ACACA: variants seen among roughly 807,000 people sequenced by gnomAD.
The protein encoded by ACACA is acetyl-CoA carboxylase alpha.
In ACACA, 103 loss-of-function variants were observed where a neutral mutation model predicts 296.1. That is an observed-to-expected ratio of 0.35 (90% CI 0.30 to 0.41). The LOEUF (loss-of-function observed/expected upper bound fraction) is 0.41. ACACA is among the 10% of genes least tolerant of loss of function. The pLI, the probability that ACACA is intolerant of heterozygous loss-of-function variation, is 1.00. For synonymous variants in ACACA, 953 were observed against 1,038.6 expected (o/e 0.92, Z 1.58); for missense variants, 1,554 against 2,989.7 (o/e 0.52, Z 11.20).
At chr17:37,111,762 C>T (rs2073983216) in intron 51 of ACACA, 119 bp from the exon 52 acceptor site, 1 of 786,190 alleles carries the variant, frequency 1.3e-6, no homozygotes, top group Admixed American at 2.0e-5. Context: ...TCATTTTGCC[C>T]ACCTATGGTT....
intron 1 of ACACA, among the ~76,000 whole-genome samples, chr17:37,370,258 A>G (rs2049755084): frequency 6.6e-6 from 1 of 151,840 alleles, no homozygotes; most frequent in Non-Finnish European, 1.5e-5. Context: ...CACCTGCCTC[A>G]GCTTCCCAAA....
chr17:37,150,936 C>T (rs1300535804), intron 44 of ACACA, among the ~76,000 whole-genome samples: 1 of 151,838 alleles, frequency 6.6e-6, no homozygotes, highest in East Asian at 1.9e-4. Flanking sequence ...CCTGTAGTCC[C>T]AGCTACTCAG....
chr17:37,191,632 T>C (rs1198138486), intron 37 of ACACA, among the ~76,000 whole-genome samples: 1 of 152,182 alleles, frequency 6.6e-6, no homozygotes, highest in Non-Finnish European at 1.5e-5. Flanking sequence ...TGGGATATAA[T>C]AATAATGAAC....
intron 1 of ACACA, among the ~76,000 whole-genome samples, chr17:37,378,647 A>G (rs1195262513): frequency 1.3e-5 from 2 of 152,322 alleles, no homozygotes; most frequent in Non-Finnish European, 2.9e-5. Context: ...AGAGAGGCGG[A>G]GGTTGCAGTG....
At chr17:37,338,150 A>G (rs1454793442) in intron 2 of ACACA, among the ~76,000 whole-genome samples, 1 of 146,444 alleles carries the variant, frequency 6.8e-6, no homozygotes, top group Non-Finnish European at 1.5e-5. Flanking sequence ...AACTAGAATC[A>G]AATATAAAAG....
chr17:37,357,262 G>A (rs1179485861), intron 1 of ACACA, among the ~76,000 whole-genome samples: 73 of 152,276 alleles, frequency 4.8e-4, no homozygotes, highest in Non-Finnish European at 7.3e-5. Flanking sequence ...GGAGGCCGAG[G>A]AGGGTGGATC....
rs8073540 is a variant in ACACA at position 37,086,150 on chromosome 17, A to G, written c.*1166T>C. ...TCTGTGTTTCCTGGAAGCCTCCCTC[A>G]TCAGGAAGGCCAGCTCCTGGTGCTG... On this transcript the variant is annotated 3_prime_UTR_variant, in exon 56 of 56. Coordinates refer to ENST00000616317, the MANE Select transcript of ACACA (RefSeq NM_198834.3). 0.056 allele frequency: 10,919 copies of G among 196,602 alleles called. 656 individuals are homozygous for G. The highest frequency in any genetic ancestry group is 0.16 in the African/African-American group (7,102 of 43,382). The allele number at this position is 196,602 out of a possible 1,614,324, so 12.2% of individuals were successfully genotyped here. A position where few individuals can be genotyped will look rare whatever the true frequency, so the allele number is the denominator to read the frequency against.
At chr17:37,095,549 C>T (rs1027393413) in intron 54 of ACACA, among the ~76,000 whole-genome samples, 2 of 152,206 alleles carry the variant, frequency 1.3e-5, no homozygotes, top group East Asian at 1.9e-4. Context: ...CTTCAGGCAA[C>T]ACTTTCTAGG....
chr17:37,129,552 A>C, intron 46 of ACACA, 67 bp from the exon 47 acceptor site: 1 of 1,605,406 alleles, frequency 6.2e-7, no homozygotes, highest in Non-Finnish European at 8.5e-7. Flanking sequence ...ACTCAGCAAC[A>C]ATAGTTATAG....
chr17:37,280,287 C>A (rs1055525438), intron 5 of ACACA, among the ~76,000 whole-genome samples: 2 of 152,172 alleles, frequency 1.3e-5, no homozygotes, highest in Non-Finnish European at 2.9e-5. Context: ...TGGCTCACTG[C>A]GACCTCGACC....
At chr17:37,254,188 C>T (rs2081122522) in intron 14 of ACACA, among the ~76,000 whole-genome samples, 1 of 152,098 alleles carries the variant, frequency 6.6e-6, no homozygotes, top group South Asian at 2.1e-4. Context: ...TCATCAATGC[C>T]AGACAGAATA....
chr17:37,376,227 G>C, intron 1 of ACACA: 1 of 1,226,048 alleles, frequency 8.2e-7, no homozygotes, highest in South Asian at 1.2e-5. Context: ...TCTTCCACCA[G>C]ATAGAGATGT....
chr17:37,364,605 A>AG lies in ACACA; in HGVS notation c.39-24756dup, dbSNP rs1339525031. 1.2e-3 allele frequency among the ~76,000 whole-genome samples: 137 copies of AG among 115,200 alleles called. 1 individual carries two copies. The highest frequency in any genetic ancestry group is 4.8e-3 in the African/African-American group (112 of 23,416). The allele number at this position is 115,200 out of a possible 152,430, so 75.6% of individuals were successfully genotyped here. On this transcript the variant is annotated intron_variant, in intron 1 of 55. Transcript: ENST00000616317. ...GACTCCGTCTCAAAAAAAAAAAAAA[A>AG]GAAAAAGAAAAGAAAATAGAACCAT...
intron 1 of ACACA, among the ~76,000 whole-genome samples, chr17:37,401,301 T>C (rs1383266662): frequency 6.6e-6 from 1 of 151,022 alleles, no homozygotes; most frequent in Non-Finnish European, 1.5e-5. Flanking sequence ...CAAGTGATTC[T>C]CCTGCCTCAG....
Position 37,130,291 on chromosome 17 carries a change from C to T in ACACA, c.5680-73G>A. 1.9e-6 allele frequency: 3 copies of T among 1,571,986 alleles called. No individual in the cohort carries two copies. In the South Asian group the frequency reaches 3.3e-5, roughly 17 times the overall value. ...GGCATGGTCGATTTCACAAGTCGCA[C>T]TAAAATGGGTTCTTTTCTCCACAAA... On this transcript the variant is annotated intron_variant, in intron 45 of 55. Transcript: ENST00000616317.
intron 3 of ACACA, among the ~76,000 whole-genome samples, chr17:37,314,950 CTTTT>C (rs71284913): frequency 1.6e-5 from 1 of 60,826 alleles, no homozygotes; most frequent in African/African-American, 8.2e-5. Flanking sequence ...GCCAGGAATG[CTTTT>C]TTTTTTTTTT....
At chr17:37,218,178 T>A (rs1211284962) in intron 29 of ACACA, among the ~76,000 whole-genome samples, 1 of 146,412 alleles carries the variant, frequency 6.8e-6, no homozygotes, top group East Asian at 2.0e-4. Context: ...GAGGGCTCAG[T>A]GTGACTGTCC....
chr17:37,144,350 T>C (rs1203609475), intron 45 of ACACA: 1 of 495,268 alleles, frequency 2.0e-6, no homozygotes, highest in Non-Finnish European at 3.7e-6. Flanking sequence ...TGGCTCTCGC[T>C]TGCCCCGGCG....
intron 24 of ACACA, among the ~76,000 whole-genome samples, chr17:37,235,787 T>C (rs1718820994): frequency 6.6e-6 from 1 of 152,128 alleles, no homozygotes; most frequent in African/African-American, 2.4e-5. Context: ...GAACCTTGCA[T>C]TAAGTCAAAA....
Sources: allele counts gnomAD v4.1 joint callset (sites outside exome capture counted in the v4.1 genomes callset), GRCh38; gene constraint gnomAD v4.1.1; transcripts MANE v1.5; gene names NCBI Gene and HGNC (gene_info 2026-07-23, HGNC 2026-07-21).